Variants in AMIGO3 observed in about 807,000 individuals in gnomAD.
The protein encoded by AMIGO3 is adhesion molecule with Ig like domain 3, also known as amphoterin-induced protein 3.
Under a neutral mutation model 4.3 loss-of-function variants are expected in AMIGO3, and 6 were observed. The observed-to-expected ratio is 1.39, with a 90% confidence interval of 0.76 to 2.75. AMIGO3 has a LOEUF of 2.75. Among genes scored for constraint, AMIGO3 ranks in the 30% most tolerant of loss-of-function variants. The pLI, the probability that AMIGO3 is intolerant of heterozygous loss-of-function variation, is 0.00. For synonymous variants in AMIGO3, 315 were observed against 320.0 expected (o/e 0.98, Z 0.17); for missense variants, 771 against 692.1 (o/e 1.11, Z -1.28).
rs1436807490 is a variant in AMIGO3, at chr3:49,719,389, A to T, written c.77T>A (p.Phe26Tyr). ...GCAGTTGTGGAGCGCACGGGGCGGG[A>T]AACCCTCGGAGTCCGGGGTGCCTAA... ...VGLGTPDSEG[F>Y]PPRALHNCPY... The change falls in exon 1 of 1, where the codon TTC becomes TAC. Residue 26 changes from phenylalanine to tyrosine, a missense_variant. Transcript: ENST00000320431. The T allele has an allele frequency of 1.2e-6, 2 of 1,613,542 alleles. No homozygotes were observed. The highest frequency in any genetic ancestry group is 4.5e-5 in the East Asian group (2 of 44,878).
Position 49,717,743 on chromosome 3 carries a change from G to C in AMIGO3, c.*208C>G. On this transcript the variant is annotated 3_prime_UTR_variant, in exon 1 of 1. Transcript: ENST00000320431. ...AGGGCCTGGGGCCTTTGGGTCCTGT[G>C]CAGGGGCAGAGCAGAAGGCAGGTTG... is the stretch of plus-strand genomic sequence containing the variant. The C allele has an allele frequency of 1.6e-6, 1 of 630,250 alleles. No individual in the cohort carries two copies. Among genetic ancestry groups the C allele is most frequent in the Non-Finnish European group, 2.7e-6 (1 of 365,532 alleles). The allele number at this position is 630,250 out of a possible 1,614,324, so 39.0% of individuals were successfully genotyped here. A position where few individuals can be genotyped will look rare whatever the true frequency, so the allele number is the denominator to read the frequency against.
In AMIGO3 at chr3:49,718,962, T is replaced by C. The variant is rs2080319333; in HGVS notation, c.504A>G (p.Glu168=). Residue 168 remains glutamate, a synonymous_variant, in exon 1 of 1, where the codon GAA becomes GAG. Coordinates refer to ENST00000320431, the MANE Select transcript of AMIGO3 (RefSeq NM_198722.3). ...GGTGGTCGAAGGAGAACGAGGCGAG[T>C]TCGTTGCAGCCCAGGTAGAGATGGC... ...ALSHLYLGCN[E]LASFSFDHLH... The C allele has an allele frequency of 1.2e-6, 2 of 1,613,522 alleles. No homozygotes were observed. The highest frequency in any genetic ancestry group is 2.2e-5 in the South Asian group (2 of 91,074).
In AMIGO3 at chr3:49,719,407, G is replaced by C. The variant is rs532189291; in HGVS notation, c.59C>G (p.Thr20Ser). The change falls in exon 1 of 1, where the codon ACC (threonine) becomes AGC (serine). Residue 20 changes from threonine (T) to serine (S), a missense_variant. By Grantham distance (58) the Thr-to-Ser change is moderately conservative. Coordinates refer to ENST00000320431, the MANE Select transcript of AMIGO3 (RefSeq NM_198722.3). ...LLCMLRVGLG[T>S]PDSEGFPPRA... Reference sequence around the variant, plus strand: ...GGGCGGGAAACCCTCGGAGTCCGGGGTGCCTAACCCAACGCGCAGCATGCA... The same window carrying C: ...GGGCGGGAAACCCTCGGAGTCCGGGCTGCCTAACCCAACGCGCAGCATGCA... The C allele has an allele frequency of 6.2e-7, 1 of 1,613,622 alleles. No homozygotes were observed. The highest frequency in any genetic ancestry group is 8.5e-7 in the Non-Finnish European group (1 of 1,180,022).
In AMIGO3 at chr3:49,718,504, G is replaced by A. The variant is rs1435513430; in HGVS notation, c.962C>T (p.Ala321Val). Residue 321 changes from alanine to valine, a missense_variant, in exon 1 of 1, where the codon GCG becomes GTG. Physicochemically the swap from Ala to Val is moderately conservative, Grantham distance 64. Coordinates refer to ENST00000320431, the MANE Select transcript of AMIGO3 (RefSeq NM_198722.3). ...GATGCTGCCATCGCGGGATCCTGGC[G>A]CCCTGAGAAGCTCCTGCTGCGGCGA... Reference protein sequence around the residue: ...WVSPQQELLRAPGSRDGSIAV... With the variant: ...WVSPQQELLRVPGSRDGSIAV... 3 of 1,613,068 alleles carry A rather than the reference G, an allele frequency of 1.9e-6. No individual in the cohort carries two copies. The highest frequency in any genetic ancestry group is 2.5e-6 in the Non-Finnish European group (3 of 1,179,936).
Position 49,718,974 on chromosome 3 carries a change from CAGGTAG to C in AMIGO3, c.486_491del (p.Tyr163_Leu164del). The C allele has an allele frequency of 1.2e-6, 2 of 1,613,808 alleles. No homozygotes were observed. The highest frequency in any genetic ancestry group is 1.7e-6 in the Non-Finnish European group (2 of 1,180,044). On this transcript the variant is annotated inframe_deletion, in exon 1 of 1. Transcript: ENST00000320431. ...AGAACGAGGCGAGTTCGTTGCAGCC[CAGGTAG>C]AGATGGCTGAGCGCGCGCAGGCCGT... is the stretch of plus-strand genomic sequence containing the variant.
In AMIGO3 at chr3:49,718,287, C is replaced by A; in HGVS notation, c.1179G>T (p.Val393=). The change falls in exon 1 of 1, where the codon GTG becomes GTT. Residue 393 remains valine, a synonymous_variant. Coordinates refer to ENST00000320431, the MANE Select transcript of AMIGO3 (RefSeq NM_198722.3). Reference sequence around the variant, plus strand: ...GGTAGAGCAGCACGAGCACAAGGCCCACGGCACAGCCCAGCAGTGTGGTGA... The same window carrying A: ...GGTAGAGCAGCACGAGCACAAGGCCAACGGCACAGCCCAGCAGTGTGGTGA... ...TGFTTLLGCA[V]GLVLVLLYLF... is the part of the protein sequence containing the mutation. The A allele has an allele frequency of 6.2e-7, 1 of 1,613,074 alleles. No individual in the cohort carries two copies. The highest frequency in any genetic ancestry group is 1.1e-5 in the South Asian group (1 of 91,074).
In AMIGO3 at chr3:49,719,469, G is replaced by T. The variant is rs929352486; in HGVS notation, c.-4C>A. 3 of 1,609,124 alleles carry T rather than the reference G, an allele frequency of 1.9e-6. No homozygotes were observed. Among genetic ancestry groups the T allele is most frequent in the Non-Finnish European group, 2.5e-6 (3 of 1,177,916 alleles). On this transcript the variant is annotated 5_prime_UTR_variant, in exon 1 of 1. Transcript: ENST00000320431. ...CCAGCAGCACCAACCAGGTCATGGCGGCGACCACCAGGGACAGTACAGAGC... is the reference window on the plus strand; with the variant it reads ...CCAGCAGCACCAACCAGGTCATGGCTGCGACCACCAGGGACAGTACAGAGC...
rs750230457 is a variant in AMIGO3, at chr3:49,719,267, C to G, written c.199G>C (p.Asp67His). 3.7e-5 allele frequency: 60 copies of G among 1,613,392 alleles called. No homozygotes were observed. The highest frequency in any genetic ancestry group is 4.7e-5 in the Non-Finnish European group (56 of 1,179,946). The change falls in exon 1 of 1, where the codon GAC (aspartate) becomes CAC (histidine). Residue 67 changes from aspartate (D) to histidine (H), a missense_variant. Transcript: ENST00000320431. The stretch of plus-strand genomic sequence containing the variant: ...CGCTGGAGCGCGTTGTGGCTCAGGT[C>G]GAGGTCCGCAGTAGCGGCAGGTAAC... ...AELPAATADL[D>H]LSHNALQRLR...
rs764721956 is a variant in AMIGO3 at position 49,718,844 on chromosome 3, C to G, written c.622G>C (p.Ala208Pro). ...AAGTAGAGGCCGTTCTTGAGGAAGG[C>G]CGGCAGCGCGGCCAGCTCAGGTACG... ...ISVPELAALP[A>P]FLKNGLYLHN... The change falls in exon 1 of 1, where the codon GCC becomes CCC. Residue 208 changes from alanine to proline, a missense_variant. Ala to Pro is a conservative substitution (Grantham distance 27, BLOSUM62 -1). Coordinates refer to ENST00000320431, the MANE Select transcript of AMIGO3 (RefSeq NM_198722.3). 1 of 1,613,416 alleles carries G rather than the reference C, an allele frequency of 6.2e-7. No homozygotes were observed. Among genetic ancestry groups the G allele is most frequent in the South Asian group, 1.1e-5 (1 of 91,090 alleles).
chr3:49,719,487 T>C lies in AMIGO3; in HGVS notation c.-22A>G, dbSNP rs1348218676. On this transcript the variant is annotated 5_prime_UTR_variant, in exon 1 of 1. Transcript: ENST00000320431. ...TCATGGCGGCGACCACCAGGGACAG[T>C]ACAGAGCAGCTCTGTGCAGGTTGCA... is the stretch of plus-strand genomic sequence containing the variant. The C allele has an allele frequency of 2.5e-6, 4 of 1,586,194 alleles. No individual in the cohort carries two copies. The highest frequency in any genetic ancestry group is 2.7e-5 in the African/African-American group (2 of 74,330).
chr3:49,718,397 G>A lies in AMIGO3; in HGVS notation c.1069C>T (p.Pro357Ser), dbSNP rs1403036543. 6.2e-7 allele frequency: 1 copy of A among 1,613,166 alleles called. No individual in the cohort carries two copies. Among genetic ancestry groups the A allele is most frequent in the Non-Finnish European group, 8.5e-7 (1 of 1,179,948 alleles). Residue 357 changes from proline (P) to serine (S), a missense_variant, in exon 1 of 1, where the codon CCC becomes TCC. Physicochemically the swap from Pro to Ser is moderately conservative, Grantham distance 74 (BLOSUM62 -1). Transcript: ENST00000320431. ...TGCGTCTGGTTGTGGTGCAGGCGGG[G>A]CCCAGTGGCCAGGCACACGAAGAGT... ...AGLFVCLATG[P>S]RLHHNQTHEY...
chr3:49,718,448 C>G lies in AMIGO3; in HGVS notation c.1018G>C (p.Gly340Arg). ...AVLADGSLAI[G>R]NVQEQHAGLF... ...CCCGCATGCTGCTCCTGTACGTTGC[C>G]TATGGCCAAGCTGCCGTCGGCCAGC... The change falls in exon 1 of 1, where the codon GGC becomes CGC. Residue 340 changes from glycine (G) to arginine (R), a missense_variant. By Grantham distance (125) the Gly-to-Arg change is moderately radical. Coordinates refer to ENST00000320431, the MANE Select transcript of AMIGO3 (RefSeq NM_198722.3). The G allele has an allele frequency of 6.2e-7, 1 of 1,612,968 alleles. No homozygotes were observed. Among genetic ancestry groups the G allele is most frequent in the South Asian group, 1.1e-5 (1 of 91,066 alleles).
chr3:49,718,980 G>C lies in AMIGO3; in HGVS notation c.486C>G (p.Leu162=). ...AGGCGAGTTCGTTGCAGCCCAGGTA[G>C]AGATGGCTGAGCGCGCGCAGGCCGT... ...AFHGLRALSH[L]YLGCNELASF... is the part of the protein sequence containing the mutation. Residue 162 remains leucine (L), a synonymous_variant, in exon 1 of 1, where the codon CTC becomes CTG. Transcript: ENST00000320431. 1 of 1,613,850 alleles carries C rather than the reference G, an allele frequency of 6.2e-7. No homozygotes were observed. Among genetic ancestry groups the C allele is most frequent in the Non-Finnish European group, 8.5e-7 (1 of 1,180,046 alleles).
Position 49,718,687 on chromosome 3 carries a change from C to T in AMIGO3, c.779G>A (p.Arg260His). The T allele has an allele frequency of 6.2e-7, 1 of 1,612,952 alleles. No homozygotes were observed. The highest frequency in any genetic ancestry group is 8.5e-7 in the Non-Finnish European group (1 of 1,179,916). The change falls in exon 1 of 1, where the codon CGC becomes CAC. Residue 260 changes from arginine (R) to histidine (H), a missense_variant. Arg to His is a conservative substitution (Grantham distance 29). Coordinates refer to ENST00000320431, the MANE Select transcript of AMIGO3 (RefSeq NM_198722.3). ...GCGGCTGTGCTGGAAGAAGCGCACG[C>T]GGGACGCGGGTACCTTGAAGGCCAA... The part of the protein sequence containing the change: ...VCLAFKVPAS[R>H]VRFFQHSRVF...
Position 49,718,362 on chromosome 3 carries a change from G to T in AMIGO3, c.1104C>A (p.Asn368Lys). 6.8e-6 allele frequency: 11 copies of T among 1,613,418 alleles called. No individual in the cohort carries two copies. The highest frequency in any genetic ancestry group is 8.5e-6 in the Non-Finnish European group (10 of 1,179,956). Residue 368 changes from asparagine (N) to lysine (K), a missense_variant, in exon 1 of 1, where the codon AAC becomes AAA. By Grantham distance (94) the Asn-to-Lys change is moderately conservative. Transcript: ENST00000320431. ...RLHHNQTHEY[N>K]VSVHFPRPEP... ...CTGGGCGCGGAAAGTGCACGCTCACGTTGTACTCGTGCGTCTGGTTGTGGT... is the reference window on the plus strand; with the variant it reads ...CTGGGCGCGGAAAGTGCACGCTCACTTTGTACTCGTGCGTCTGGTTGTGGT...
chr3:49,719,027 G>A lies in AMIGO3; in HGVS notation c.439C>T (p.His147Tyr), dbSNP rs1270157727. The change falls in exon 1 of 1, where the codon CAC becomes TAC. Residue 147 changes from histidine to tyrosine, a missense_variant. By Grantham distance (83) the His-to-Tyr change is moderately conservative. Coordinates refer to ENST00000320431, the MANE Select transcript of AMIGO3 (RefSeq NM_198722.3). ...CCGTGGAAGGCATGCTCGTCCAAGT[G>A]CACCAAGCGGTTATTGAACAGAAGC... Reference protein sequence around the residue: ...KLLLFNNRLVHLDEHAFHGLR... With the variant: ...KLLLFNNRLVYLDEHAFHGLR... 1 of 1,613,884 alleles carries A rather than the reference G, an allele frequency of 6.2e-7. No individual in the cohort carries two copies. The highest frequency in any genetic ancestry group is 1.1e-5 in the South Asian group (1 of 91,092).
Position 49,718,322 on chromosome 3 carries a change from T to C in AMIGO3, c.1144A>G (p.Asn382Asp), listed in dbSNP as rs1312259393. Reference sequence around the variant, plus strand: ...CCCAGCAGTGTGGTGAAGCCTGTGTTGAAAGCCTCGGGCTCTGGGCGCGGA... The same window carrying C: ...CCCAGCAGTGTGGTGAAGCCTGTGTCGAAAGCCTCGGGCTCTGGGCGCGGA... Reference protein sequence around the residue: ...HFPRPEPEAFNTGFTTLLGCA... With the variant: ...HFPRPEPEAFDTGFTTLLGCA... Residue 382 changes from asparagine to aspartate, a missense_variant, in exon 1 of 1, where the codon AAC becomes GAC. Asn to Asp is a conservative substitution (Grantham distance 23). Transcript: ENST00000320431. 1 of 1,613,344 alleles carries C rather than the reference T, an allele frequency of 6.2e-7. No individual in the cohort carries two copies. The highest frequency in any genetic ancestry group is 1.7e-5 in the Admixed American group (1 of 60,020).
In AMIGO3 at chr3:49,717,022, T is replaced by C. The variant is rs1443708668; in HGVS notation, c.*929A>G. 2 of 154,704 alleles carry C rather than the reference T, an allele frequency of 1.3e-5. No homozygotes were observed. The highest frequency in any genetic ancestry group is 1.3e-4 in the Admixed American group (2 of 15,932). The allele number at this position is 154,704 out of a possible 1,614,324, so 9.6% of individuals were successfully genotyped here. A position where few individuals can be genotyped will look rare whatever the true frequency, so the allele number is the denominator to read the frequency against. On this transcript the variant is annotated 3_prime_UTR_variant, in exon 1 of 1. Transcript: ENST00000320431. ...CAGGGTACCGCCTCAGCCATTAGGC[T>C]GAGACCAGTGCCAGCCCTTAAGAGG...
rs373821315 is a variant in AMIGO3, at chr3:49,718,153, G to A, written c.1313C>T (p.Thr438Ile). The A allele has an allele frequency of 7.3e-5, 117 of 1,613,092 alleles. 1 individual carries two copies. The highest frequency in any genetic ancestry group is 6.8e-4 in the South Asian group (62 of 91,096). The change falls in exon 1 of 1, where the codon ACC (threonine) becomes ATC (isoleucine). Residue 438 changes from threonine to isoleucine, a missense_variant. Physicochemically the swap from Thr to Ile is moderately conservative, Grantham distance 89. Coordinates refer to ENST00000320431, the MANE Select transcript of AMIGO3 (RefSeq NM_198722.3). ...ELSAQSSVLS[T>I]TPPDAPSRKA... is the part of the protein sequence containing the mutation. ...GCGGCTGGGTGCGTCTGGCGGTGTG[G>A]TGCTGAGTACTGAGGACTGTGCGCT...
Sources: allele counts gnomAD v4.1 joint callset, GRCh38; gene constraint gnomAD v4.1.1; transcripts MANE v1.5; gene names NCBI Gene and HGNC (gene_info 2026-07-23, HGNC 2026-07-21).